The following MTA3 variants were observed in gnomAD, a reference collection of about 807,000 sequenced individuals.
MTA3 encodes metastasis-associated protein MTA3.
A neutral mutation model predicts 83.5 loss-of-function variants in MTA3; 34 were observed. That is an observed-to-expected ratio of 0.41 (90% CI 0.31 to 0.54). MTA3 has a LOEUF of 0.54. MTA3 is among the 20% of genes least tolerant of loss of function. MTA3 has a pLI of 0.33. For synonymous variants in MTA3, 303 were observed against 252.7 expected, an observed-to-expected ratio of 1.20 and a Z score of -1.89; for missense variants, 761 against 726.4, an observed-to-expected ratio of 1.05 and a Z score of -0.55.
chr2:42,706,743 A>T (rs1573699769), intron 12 of MTA3, among the ~76,000 whole-genome samples: 1 of 152,184 alleles, frequency 6.6e-6, no homozygotes, highest in Non-Finnish European at 1.5e-5. Context: ...ACAAAAACTA[A>T]CACAAGCTTA....
At chr2:42,594,728 A>ATATATATATATATATATATTTTTTT in intron 3 of MTA3, among the ~76,000 whole-genome samples, 4 of 24,044 alleles carry the variant, frequency 1.7e-4, no homozygotes, top group East Asian at 1.2e-3. Context: ...ATATATATAT[A>ATATATATATATATATATATTTTTTT]TTTTTTTTTT....
At chr2:42,577,105 A>AAAAAAAAAATATAT (rs1211189566) in intron 2 of MTA3, among the ~76,000 whole-genome samples, 7 of 86,944 alleles carry the variant, frequency 8.1e-5, no homozygotes, top group African/African-American at 3.8e-4. Context: ...AAAAAAAAAA[A>AAAAAAAAAATATAT]ATATATATAT....
chr2:42,681,391 A>T (rs1221489966), intron 8 of MTA3, among the ~76,000 whole-genome samples: 1 of 152,114 alleles, frequency 6.6e-6, no homozygotes, highest in African/African-American at 2.4e-5. Context: ...TGATTCCTCA[A>T]CCCAATCTGA....
chr2:42,689,387 T>G (rs1692677516), intron 9 of MTA3, among the ~76,000 whole-genome samples: 1 of 152,238 alleles, frequency 6.6e-6, no homozygotes, highest in African/African-American at 2.4e-5. Context: ...GTAATATTTT[T>G]GGTTTTATTT....
Position 42,739,467 on chromosome 2 carries a change from G to A in MTA3, c.1760-13907G>A, listed in dbSNP as rs60917859. On this transcript the variant is annotated intron_variant, in intron 16 of 16. Coordinates refer to ENST00000405094, the MANE Select transcript of MTA3 (RefSeq NM_001330442.2). ...TGCTAAAAAAAAAAAAAAAGCTAAT[G>A]ATCATCTGAGCCTTCTATGAGTCAT... Among the ~76,000 whole-genome samples the A allele has an allele frequency of 9.7e-3, 1,434 of 147,682 alleles. 23 individuals carry two copies. The highest frequency in any genetic ancestry group is 0.033 in the African/African-American group (1,327 of 40,342).
intron 3 of MTA3, among the ~76,000 whole-genome samples, chr2:42,592,418 T>C (rs969203107): frequency 1.3e-5 from 2 of 152,090 alleles, no homozygotes; most frequent in African/African-American, 4.8e-5. Flanking sequence ...ACTCCGTCTC[T>C]ACAAAATATT....
chr2:42,606,973 G>A (rs920145388), intron 3 of MTA3, among the ~76,000 whole-genome samples: 1 of 151,092 alleles, frequency 6.6e-6, no homozygotes, highest in Admixed American at 6.6e-5. Flanking sequence ...GCAGACTGAG[G>A]CAGGAGAATC....
At chr2:42,607,099 G>GGGGT (rs1683550979) in intron 3 of MTA3, among the ~76,000 whole-genome samples, 14 of 12,436 alleles carry the variant, frequency 1.1e-3, no homozygotes, top group Non-Finnish European at 1.7e-3. Flanking sequence ...GGTAGGGGTA[G>GGGGT]AGGTAGAGGT....
At chr2:42,739,225 T>A (rs1389687300) in intron 16 of MTA3, among the ~76,000 whole-genome samples, 1 of 152,182 alleles carries the variant, frequency 6.6e-6, no homozygotes, top group Non-Finnish European at 1.5e-5. Context: ...TTCTCTCTTT[T>A]GTACACTGTC....
chr2:42,550,234 A>G (rs774504173), intron 2 of MTA3, among the ~76,000 whole-genome samples: 1 of 152,188 alleles, frequency 6.6e-6, no homozygotes, highest in Non-Finnish European at 1.5e-5. Context: ...TCACACCTCA[A>G]CCTGCAAAAA....
intron 2 of MTA3, among the ~76,000 whole-genome samples, chr2:42,524,842 A>AG (rs1262801122): frequency 3.9e-4 from 56 of 145,220 alleles, no homozygotes; most frequent in South Asian, 2.6e-3. Flanking sequence ...AAAAAAAAAG[A>AG]AAAAAAGAGA....
chr2:42,641,637 G>C (rs1015796778), intron 5 of MTA3, among the ~76,000 whole-genome samples: 1 of 152,064 alleles, frequency 6.6e-6, no homozygotes, highest in African/African-American at 2.4e-5. Flanking sequence ...CACGAGGTCA[G>C]GAGTTCGAGA....
At chr2:42,539,432 A>G (rs915178319) in intron 2 of MTA3, among the ~76,000 whole-genome samples, 1 of 152,048 alleles carries the variant, frequency 6.6e-6, no homozygotes, top group Admixed American at 6.6e-5. Context: ...AGAACTTACT[A>G]TCACGAGAAT....
chr2:42,707,919 G>C lies in MTA3; in HGVS notation c.1167G>C (p.Gln389His). 6.3e-7 allele frequency: 1 copy of C among 1,598,150 alleles called. No individual in the cohort carries two copies. The highest frequency in any genetic ancestry group is 8.5e-7 in the Non-Finnish European group (1 of 1,175,176). ...CTGCTTTAGCTACACAGTCTCACCA[G>C]TGGTATTCTTGGGGCCCACCTAATA... ...CESCYATQSH[Q>H]WYSWGPPNMQ... The change falls in exon 13 of 17, where the codon CAG (glutamine) becomes CAC (histidine). Residue 389 changes from glutamine to histidine, a missense_variant. By Grantham distance (24) the Gln-to-His change is conservative. Coordinates refer to ENST00000405094, the MANE Select transcript of MTA3 (RefSeq NM_001330442.2).
chr2:42,618,234 C>T (rs1685140253), intron 4 of MTA3, among the ~76,000 whole-genome samples: 1 of 152,004 alleles, frequency 6.6e-6, no homozygotes, highest in South Asian at 2.1e-4. Flanking sequence ...CATGCTCTGC[C>T]CGAAAACAAC....
rs1397698904 is a variant in MTA3, at chr2:42,756,808, G to A, written c.*3409G>A. The A allele has an allele frequency of 1.0e-6, 1 of 985,340 alleles. No individual in the cohort carries two copies. The highest frequency in any genetic ancestry group is 1.7e-5 in the African/African-American group (1 of 57,218). The allele number at this position is 985,340 out of a possible 1,614,324, so 61.0% of individuals were successfully genotyped here. ...TCCCTGCCAGGGAAGCTAACCCAGA[G>A]CACGCACCTGTGCTCATGAGTGTTT... On this transcript the variant is annotated 3_prime_UTR_variant, in exon 17 of 17. Transcript: ENST00000405094.
rs1473497377 is a variant in MTA3 at position 42,754,080 on chromosome 2, GT to G, written c.*685del. On this transcript the variant is annotated 3_prime_UTR_variant, in exon 17 of 17. Transcript: ENST00000405094. ...ATAAGCCTGTAAACTCATCATCTGTGTTTTGTGGTTGGAGAGAAACTGGTGT... is the reference window on the plus strand; with the variant it reads ...ATAAGCCTGTAAACTCATCATCTGTGTTTGTGGTTGGAGAGAAACTGGTGT... The G allele has an allele frequency of 1.0e-6, 1 of 985,352 alleles. No homozygotes were observed. Among genetic ancestry groups the G allele is most frequent in the Non-Finnish European group, 1.2e-6 (1 of 829,978 alleles). The allele number at this position is 985,352 out of a possible 1,614,324, so 61.0% of individuals were successfully genotyped here.
chr2:42,727,089 G>C (rs1416215864), intron 16 of MTA3, among the ~76,000 whole-genome samples: 1 of 152,140 alleles, frequency 6.6e-6, no homozygotes, highest in Non-Finnish European at 1.5e-5. Flanking sequence ...CTAGCTACTT[G>C]GCGGGGGCTG....
chr2:42,497,895 T>C (rs1674217181), intron 2 of MTA3, among the ~76,000 whole-genome samples: 1 of 152,202 alleles, frequency 6.6e-6, no homozygotes, highest in South Asian at 2.1e-4. Context: ...ACAGATTGGA[T>C]AAGTGAATTG....
Sources: gnomAD v4.1 joint callset for allele counts (sites outside exome capture counted in the v4.1 genomes callset) on GRCh38, gnomAD v4.1.1 for gene constraint, MANE v1.5 for transcripts, NCBI Gene and HGNC (gene_info 2026-07-23, HGNC 2026-07-21) for gene names.